Variants in MTA3 observed in about 807,000 individuals in gnomAD.
The protein encoded by MTA3 is metastasis associated 1 family member 3.
In MTA3, 34 loss-of-function variants were observed where a neutral mutation model predicts 83.5. The observed-to-expected ratio is 0.41, with a 90% CI of 0.31 to 0.54. The LOEUF is 0.54. Among genes scored for constraint, MTA3 ranks in the 20% least tolerant of loss-of-function variants. The probability of loss-of-function intolerance (pLI) is 0.33; values close to 1 mark genes in which losing one functional copy is unlikely to be tolerated. For missense variants in MTA3, 761 were observed against 726.4 expected, an observed-to-expected ratio of 1.05 and a Z score of -0.55; for synonymous variants, 303 against 252.7, an observed-to-expected ratio of 1.20 and a Z score of -1.89.
At chr2:42,646,858 T>A (rs1688239329) in intron 6 of MTA3, among the ~76,000 whole-genome samples, 1 of 152,068 alleles carries the variant, frequency 6.6e-6, no homozygotes, top group Admixed American at 6.6e-5. Flanking sequence ...TGTCTCTGTT[T>A]TTGAAAGAAG....
chr2:42,751,132 C>A (rs188353411), intron 16 of MTA3, among the ~76,000 whole-genome samples: 9 of 152,192 alleles, frequency 5.9e-5, no homozygotes, highest in Non-Finnish European at 1.2e-4. Flanking sequence ...AACTCAGAAG[C>A]CACCAGCTAG....
chr2:42,613,638 A>G (rs1025009769), intron 4 of MTA3: 4 of 152,252 alleles, frequency 2.6e-5, no homozygotes, highest in African/African-American at 7.2e-5. Context: ...CAGGGACACT[A>G]TCAAGTGCCC....
intron 4 of MTA3, among the ~76,000 whole-genome samples, chr2:42,626,299 T>C (rs1686084621): frequency 6.7e-6 from 1 of 149,662 alleles, no homozygotes; most frequent in Admixed American, 6.7e-5. Context: ...GAGCTCCATT[T>C]TTTTAAAATT....
intron 2 of MTA3, among the ~76,000 whole-genome samples, chr2:42,572,774 C>G (rs1678635751): frequency 6.6e-6 from 1 of 152,194 alleles, no homozygotes; most frequent in Non-Finnish European, 1.5e-5. Flanking sequence ...GTTGCCCAGA[C>G]TGGAGTGCAA....
chr2:42,630,169 C>G (rs1172257394), intron 4 of MTA3, among the ~76,000 whole-genome samples: 1 of 152,200 alleles, frequency 6.6e-6, no homozygotes, highest in Non-Finnish European at 1.5e-5. Context: ...TACACTTGAT[C>G]TCTGATACTA....
chr2:42,698,471 C>T lies in MTA3; in HGVS notation c.1025+637C>T, dbSNP rs533073739. ...AGCACTTTGGGGAACCTCGTTTCTG[C>T]AAAAAATTTAAAAGAAATATAAGGT... On this transcript the variant is annotated intron_variant, in intron 11 of 16. Coordinates refer to ENST00000405094, the MANE Select transcript of MTA3 (RefSeq NM_001330442.2). 10 of 151,740 alleles carry T rather than the reference C, an allele frequency of 6.6e-5. No individual in the cohort carries two copies. The East Asian group carries it at 1.9e-3, about 29-fold the overall frequency. 9.4% of individuals were successfully genotyped at this position (151,740 alleles called of 1,614,324 possible). A position where few individuals can be genotyped will look rare whatever the true frequency, so the allele number is the denominator to read the frequency against.
intron 4 of MTA3, chr2:42,614,180 C>G (rs1215190107): frequency 6.6e-6 from 1 of 152,134 alleles, no homozygotes; most frequent in Non-Finnish European, 1.5e-5. Flanking sequence ...TCACCGAAAC[C>G]TCTGCTTCCC....
intron 2 of MTA3, among the ~76,000 whole-genome samples, chr2:42,571,641 A>G (rs1558445069): frequency 6.6e-6 from 1 of 152,114 alleles, no homozygotes; most frequent in Non-Finnish European, 1.5e-5. Flanking sequence ...GAAGCTAGGG[A>G]ACATAATATT....
intron 16 of MTA3, among the ~76,000 whole-genome samples, chr2:42,740,723 G>A (rs7600439): frequency 0.52 from 79,162 of 152,136 alleles, 20,907 homozygotes; most frequent in South Asian, 0.66. Context: ...GCAAGCTTAA[G>A]ATATTCCGTA....
At chr2:42,731,637 A>C (rs1236740567) in intron 16 of MTA3, among the ~76,000 whole-genome samples, 2 of 152,186 alleles carry the variant, frequency 1.3e-5, no homozygotes, top group Non-Finnish European at 2.9e-5. Context: ...ATACAATTCA[A>C]GTTGAGATTT....
At chr2:42,703,184 G>A (rs6744635) in intron 11 of MTA3, 93,143 of 152,112 alleles carry the variant, frequency 0.61, 28,753 homozygotes, top group South Asian at 0.79. Flanking sequence ...GCTGGTCTCC[G>A]AACTCCTGGC....
chr2:42,642,712 T>A (rs1338174238), intron 5 of MTA3, among the ~76,000 whole-genome samples: 1 of 151,332 alleles, frequency 6.6e-6, no homozygotes, highest in Non-Finnish European at 1.5e-5. Flanking sequence ...TGGTGCAATC[T>A]TGGCTCACTG....
At chr2:42,615,814 G>A (rs377475482) in intron 4 of MTA3, among the ~76,000 whole-genome samples, 3 of 130,942 alleles carry the variant, frequency 2.3e-5, no homozygotes, top group African/African-American at 8.8e-5. Flanking sequence ...TCTGCCTCCC[G>A]GGTTCACGCC....
intron 3 of MTA3, among the ~76,000 whole-genome samples, chr2:42,599,641 C>T (rs1682304732): frequency 6.6e-6 from 1 of 151,944 alleles, no homozygotes. Flanking sequence ...ACTGCAGTTC[C>T]TGACAGGAAT....
At chr2:42,719,980 C>G (rs1253600473) in intron 15 of MTA3, among the ~76,000 whole-genome samples, 3 of 152,042 alleles carry the variant, frequency 2.0e-5, no homozygotes, top group Non-Finnish European at 4.4e-5. Context: ...CTCAGAGTTG[C>G]TTTGACAGAA....
chr2:42,571,905 C>G (rs1017093010), intron 2 of MTA3, among the ~76,000 whole-genome samples: 4 of 151,382 alleles, frequency 2.6e-5, no homozygotes, highest in African/African-American at 7.3e-5. Context: ...CAAGATCACG[C>G]CATTGCACTC....
At chr2:42,555,687 G>T (rs1011127178) in intron 2 of MTA3, among the ~76,000 whole-genome samples, 2 of 152,098 alleles carry the variant, frequency 1.3e-5, no homozygotes, top group East Asian at 3.9e-4. Flanking sequence ...AGAATGGCAT[G>T]AACCTGGGAG....
At chr2:42,686,926 C>T (rs1558582175) in intron 9 of MTA3, among the ~76,000 whole-genome samples, 1 of 150,490 alleles carries the variant, frequency 6.6e-6, no homozygotes, top group Non-Finnish European at 1.5e-5. Context: ...TGAGACCAGG[C>T]TGGCCAATAT....
intron 14 of MTA3, among the ~76,000 whole-genome samples, chr2:42,718,622 G>A (rs1225409914): frequency 6.6e-6 from 1 of 151,848 alleles, no homozygotes; most frequent in African/African-American, 2.4e-5. Flanking sequence ...AATTAGCCCA[G>A]CATGGTGGTG....
Sources: gnomAD v4.1 joint callset for allele counts (sites outside exome capture counted in the v4.1 genomes callset) on GRCh38, gnomAD v4.1.1 for gene constraint, MANE v1.5 for transcripts, NCBI Gene and HGNC (gene_info 2026-07-23, HGNC 2026-07-21) for gene names.